DLG2: variants seen among roughly 807,000 people sequenced by gnomAD.
The protein encoded by DLG2 is discs large MAGUK scaffold protein 2, also known as disks large homolog 2.
Under a neutral mutation model 132.5 loss-of-function variants are expected in DLG2, and 45 were observed. The observed-to-expected ratio is 0.34, with a 90% CI of 0.27 to 0.44. The LOEUF (loss-of-function observed/expected upper bound fraction) is 0.44, where lower values mean the gene tolerates loss of function less well. DLG2 is among the 20% of genes least tolerant of loss of function. DLG2 has a pLI of 1.00. For synonymous variants in DLG2, 424 were observed against 419.6 expected, an observed-to-expected ratio of 1.01 and a Z score of -0.13; for missense variants, 1,045 against 1,196.9, an observed-to-expected ratio of 0.87 and a Z score of 1.87.
At position 83,652,155 on chromosome 11, in the gene DLG2, T is replaced by C. The variant is rs1335255219; in HGVS notation, c.1826-18830A>G. 1.1e-5 allele frequency: 3 copies of C among 284,696 alleles called. No individual in the cohort carries two copies. The East Asian group carries it at 2.5e-4, about 24-fold the overall frequency. The allele number at this position is 284,696 out of a possible 1,614,324, so 17.6% of individuals were successfully genotyped here. A position where few individuals can be genotyped will look rare whatever the true frequency, so the allele number is the denominator to read the frequency against. On this transcript the variant is annotated intron_variant, in intron 18 of 27. Transcript: ENST00000376104. ...TTTTGTGTTTTTTTGGTGTGGAATC[T>C]TGGCAGCGCAACTGGACCCCAGCTT...
At chr11:84,906,810 A>C (rs1172578265) in intron 6 of DLG2, among the ~76,000 whole-genome samples, 1 of 152,194 alleles carries the variant, frequency 6.6e-6, no homozygotes, top group African/African-American at 2.4e-5. Flanking sequence ...AGCTGCATAG[A>C]AAGAGAGAAA....
At chr11:85,508,097 G>C (rs973790148) in intron 3 of DLG2, among the ~76,000 whole-genome samples, 2 of 152,024 alleles carry the variant, frequency 1.3e-5, no homozygotes, top group African/African-American at 4.8e-5. Flanking sequence ...ATTCTAGTTA[G>C]CCATTCATCT....
chr11:85,075,740 T>C (rs1191289633), intron 6 of DLG2, among the ~76,000 whole-genome samples: 16 of 151,834 alleles, frequency 1.1e-4, no homozygotes, highest in Admixed American at 1.1e-3. Flanking sequence ...GTGCATACAC[T>C]CTTACACTCT....
chr11:85,405,673 T>G (rs982553372), intron 3 of DLG2, among the ~76,000 whole-genome samples: 1 of 151,980 alleles, frequency 6.6e-6, no homozygotes, highest in African/African-American at 2.4e-5. Context: ...TTAGAGAGGT[T>G]AAATATTTTG....
chr11:84,764,885 G>A (rs1224404021), intron 6 of DLG2, among the ~76,000 whole-genome samples: 2 of 152,028 alleles, frequency 1.3e-5, no homozygotes, highest in Admixed American at 1.3e-4. Flanking sequence ...AATGTAGGCA[G>A]GTTCAGTTCA....
chr11:83,668,867 A>ATTTTT lies in DLG2; in HGVS notation c.1826-35547_1826-35543dup, dbSNP rs10635194. On this transcript the variant is annotated intron_variant, in intron 18 of 27. Transcript: ENST00000376104. ...CACACACACATATATATATATATAT[A>ATTTTT]TTTTTTTTTTATGATAGACTATGAG... Among the ~76,000 whole-genome samples, 73 of 110,384 alleles carry ATTTTT rather than the reference A, an allele frequency of 6.6e-4. 2 individuals are homozygous for ATTTTT. Among genetic ancestry groups the ATTTTT allele is most frequent in the African/African-American group, 2.4e-3 (68 of 28,180 alleles). 72.4% of individuals were successfully genotyped at this position (110,384 alleles called of 152,430 possible).
chr11:84,670,402 G>C (rs2099704448), intron 6 of DLG2, among the ~76,000 whole-genome samples: 1 of 152,038 alleles, frequency 6.6e-6, no homozygotes, highest in Non-Finnish European at 1.5e-5. Flanking sequence ...TAAATCATGA[G>C]GAAAAAGAGT....
intron 6 of DLG2, among the ~76,000 whole-genome samples, chr11:84,768,367 A>C (rs1229124451): frequency 6.6e-6 from 1 of 152,210 alleles, no homozygotes; most frequent in African/African-American, 2.4e-5. Context: ...TCACCATTAA[A>C]TGTAAAAGAA....
At chr11:85,446,979 G>A (rs889964604) in intron 3 of DLG2, among the ~76,000 whole-genome samples, 4 of 151,922 alleles carry the variant, frequency 2.6e-5, no homozygotes, top group African/African-American at 4.8e-5. Context: ...GCAATTTTAC[G>A]TTATTTAAAA....
intron 11 of DLG2, among the ~76,000 whole-genome samples, chr11:83,987,640 C>T (rs1678757296): frequency 6.6e-6 from 1 of 152,028 alleles, no homozygotes; most frequent in South Asian, 2.1e-4. Flanking sequence ...AACTGGCTAG[C>T]CATATGTAGA....
intron 8 of DLG2, among the ~76,000 whole-genome samples, chr11:84,180,109 G>A (rs2096076090): frequency 6.6e-6 from 1 of 152,108 alleles, no homozygotes; most frequent in Non-Finnish European, 1.5e-5. Flanking sequence ...TTTGAATTAT[G>A]ATTAGTATAC....
chr11:85,627,320 C>T lies in DLG2; in HGVS notation c.-362G>A, dbSNP rs1423049054. 6.6e-6 allele frequency: 1 copy of T among 152,086 alleles called. No homozygotes were observed. Among genetic ancestry groups the T allele is most frequent in the East Asian group, 1.9e-4 (1 of 5,186 alleles). 9.4% of individuals were successfully genotyped at this position (152,086 alleles called of 1,614,324 possible). ...CCTTAATGCCCCTCTGATTCTGATC[C>T]TCCCATGTATTAACCGAGAGGATTG... On this transcript the variant is annotated 5_prime_UTR_variant, in exon 1 of 28. Transcript: ENST00000376104.
chr11:83,611,274 A>G (rs1378967707), intron 19 of DLG2, among the ~76,000 whole-genome samples: 3 of 152,138 alleles, frequency 2.0e-5, no homozygotes, highest in Non-Finnish European at 2.9e-5. Flanking sequence ...ATGCATGTAT[A>G]TTGAGAAGGG....
rs147748198 is a variant in DLG2 at position 85,601,877 on chromosome 11, A to G, written c.-92-3089T>C. 2.0e-5 allele frequency among the ~76,000 whole-genome samples: 3 copies of G among 152,284 alleles called. No individual in the cohort carries two copies. The East Asian group carries it at 5.8e-4, about 29-fold the overall frequency. Reference sequence around the variant, plus strand: ...CTCTGAACATGGTAAGACTTCTTTAATCTTACTCCCTGGATAATCTTACCC... The same window carrying G: ...CTCTGAACATGGTAAGACTTCTTTAGTCTTACTCCCTGGATAATCTTACCC... On this transcript the variant is annotated intron_variant, in intron 2 of 27. Coordinates refer to ENST00000376104, the MANE Select transcript of DLG2 (RefSeq NM_001142699.3).
chr11:83,526,428 C>A (rs2095612190), intron 21 of DLG2, among the ~76,000 whole-genome samples: 1 of 152,158 alleles, frequency 6.6e-6, no homozygotes, highest in African/African-American at 2.4e-5. Flanking sequence ...ACATTCCATT[C>A]CCTTTGCTCT....
intron 5 of DLG2, among the ~76,000 whole-genome samples, chr11:85,125,202 C>A (rs2074941656): frequency 6.6e-6 from 1 of 152,156 alleles, no homozygotes; most frequent in Admixed American, 6.5e-5. Flanking sequence ...TGCAGACCCA[C>A]ATTTGTCTGA....
At chr11:83,905,233 G>A (rs1471194577) in intron 15 of DLG2, among the ~76,000 whole-genome samples, 2 of 152,150 alleles carry the variant, frequency 1.3e-5, no homozygotes, top group African/African-American at 4.8e-5. Flanking sequence ...TAGTAGGTGA[G>A]GAAACTGAGG....
chr11:85,293,116 G>C (rs368541688), intron 3 of DLG2, among the ~76,000 whole-genome samples: 2 of 152,030 alleles, frequency 1.3e-5, no homozygotes, highest in African/African-American at 4.8e-5. Context: ...GATTAAATGG[G>C]GGAGAAGGGA....
At chr11:84,477,344 A>C (rs1221920215) in intron 7 of DLG2, among the ~76,000 whole-genome samples, 1 of 151,896 alleles carries the variant, frequency 6.6e-6, no homozygotes, top group African/African-American at 2.4e-5. Flanking sequence ...AAAATACAAA[A>C]ATTGGCCAGG....
Sources: allele counts gnomAD v4.1 joint callset (sites outside exome capture counted in the v4.1 genomes callset), GRCh38; gene constraint gnomAD v4.1.1; transcripts MANE v1.5; gene names NCBI Gene and HGNC (gene_info 2026-07-23, HGNC 2026-07-21).